Variants in HAUS2 observed in about 807,000 individuals in gnomAD.
HAUS2 encodes the protein HAUS augmin like complex subunit 2.
HAUS2 carries 20 observed loss-of-function variants against 21.6 expected under a neutral mutation model. The ratio of observed to expected loss-of-function variants is 0.93; its 90% confidence interval spans 0.65 to 1.35. HAUS2 has a LOEUF of 1.35. Ranked by LOEUF, HAUS2 falls within the 40% of genes most tolerant of loss-of-function variation. HAUS2 has a pLI of 0.00. For missense variants in HAUS2, 297 were observed against 280.7 expected (o/e 1.06, Z -0.42); for synonymous variants, 113 against 95.6 (o/e 1.18, Z -1.06).
chr15:42,566,158 C>T (rs530230480), intron 5 of HAUS2, among the ~76,000 whole-genome samples: 7 of 151,232 alleles, frequency 4.6e-5, no homozygotes, highest in South Asian at 4.2e-4. Context: ...GCTGAGATTG[C>T]GCCACTGCAC....
chr15:42,561,504 G>A, intron 4 of HAUS2, 102 bp downstream of exon 4: 1 of 745,068 alleles, frequency 1.3e-6, no homozygotes, highest in Non-Finnish European at 2.3e-6. Context: ...ATTAGTGATT[G>A]TATTTGTTAA....
In HAUS2 at chr15:42,552,542, T is replaced by A. The variant is rs1020205108; in HGVS notation, c.93+3577T>A. Among the ~76,000 whole-genome samples the A allele has an allele frequency of 2.6e-5, 4 of 152,222 alleles. 1 individual carries two copies. The highest frequency in any genetic ancestry group is 5.9e-5 in the Non-Finnish European group (4 of 68,030). ...CTAGAAAACATAGCTTGTTTGAAGT[T>A]TTGTTTCAATCTGTTAGAGAGTGAT... On this transcript the variant is annotated intron_variant, in intron 1 of 5. Transcript: ENST00000260372.
At chr15:42,565,171 G>A (rs1210363496) in intron 5 of HAUS2, among the ~76,000 whole-genome samples, 1 of 152,042 alleles carries the variant, frequency 6.6e-6, no homozygotes, top group Non-Finnish European at 1.5e-5. Context: ...AGTGAAATTC[G>A]GACATGCATC....
chr15:42,557,485 AAT>A (rs1266078675), intron 1 of HAUS2, among the ~76,000 whole-genome samples: 3 of 128,560 alleles, frequency 2.3e-5, no homozygotes, highest in African/African-American at 8.2e-5. Flanking sequence ...TATTATATAT[AAT>A]ATATACATTG....
intron 3 of HAUS2, chr15:42,560,833 T>C: frequency 1.4e-6 from 1 of 702,220 alleles, no homozygotes; most frequent in Non-Finnish European, 2.6e-6. Context: ...ATGGCCTCAA[T>C]TCTCCCGTTT....
At position 42,566,595 on chromosome 15, in the gene HAUS2, C is replaced by G. The variant is rs562398749; in HGVS notation, c.499-12C>G. ...ACATAATTTCTCCTGTTTCCCTTTT[C>G]AAATGTTACAGAACCAGGCTTTAGC... On this transcript the variant is annotated splice_polypyrimidine_tract_variant and intron_variant, in intron 5 of 5. Transcript: ENST00000260372. 2 of 1,470,178 alleles carry G rather than the reference C, an allele frequency of 1.4e-6. No homozygotes were observed. Among genetic ancestry groups the G allele is most frequent in the Admixed American group, 1.7e-5 (1 of 59,228 alleles). The allele number at this position is 1,470,178 out of a possible 1,614,324, so 91.1% of individuals were successfully genotyped here.
At position 42,566,977 on chromosome 15, in the gene HAUS2, T is replaced by C; in HGVS notation, c.*161T>C. ...AGGTTCATTAAGACCAAACTGACTTTTCCTTTGTTTTTCATATATTTTTAT... is the reference window on the plus strand; with the variant it reads ...AGGTTCATTAAGACCAAACTGACTTCTCCTTTGTTTTTCATATATTTTTAT... On this transcript the variant is annotated 3_prime_UTR_variant, in exon 6 of 6. Coordinates refer to ENST00000260372, the MANE Select transcript of HAUS2 (RefSeq NM_018097.3). 1 of 468,968 alleles carries C rather than the reference T, an allele frequency of 2.1e-6. No individual in the cohort carries two copies. The highest frequency in any genetic ancestry group is 3.8e-6 in the Non-Finnish European group (1 of 265,892). 29.1% of individuals were successfully genotyped at this position (468,968 alleles called of 1,614,324 possible). A position where few individuals can be genotyped will look rare whatever the true frequency, so the allele number is the denominator to read the frequency against.
chr15:42,564,396 G>T (rs1399997567), intron 5 of HAUS2, among the ~76,000 whole-genome samples: 1 of 151,780 alleles, frequency 6.6e-6, no homozygotes. Context: ...TAATAAACAT[G>T]TGTTGGCTTC....
Position 42,558,271 on chromosome 15 carries a change from T to C in HAUS2, c.167T>C (p.Ile56Thr), listed in dbSNP as rs1364939867. The change falls in exon 2 of 6, where the codon ATT becomes ACT. Residue 56 changes from isoleucine (I) to threonine (T), a missense_variant. Coordinates refer to ENST00000260372, the MANE Select transcript of HAUS2 (RefSeq NM_018097.3). ...ACCAGACTACAGCAGATCACAAATATTCAAGCTGAAATCTACCAGGTAAAT... is the reference window on the plus strand; with the variant it reads ...ACCAGACTACAGCAGATCACAAATACTCAAGCTGAAATCTACCAGGTAAAT... ...NFTRLQQITN[I>T]QAEIYQKNLE... is the part of the protein sequence containing the mutation. 2.1e-6 allele frequency: 3 copies of C among 1,414,602 alleles called. No homozygotes were observed. In the Admixed American group the frequency reaches 5.3e-5, roughly 25 times the overall value. The allele number at this position is 1,414,602 out of a possible 1,614,324, so 87.6% of individuals were successfully genotyped here.
intron 3 of HAUS2, among the ~76,000 whole-genome samples, chr15:42,560,198 C>G (rs898610913): frequency 6.6e-6 from 1 of 152,062 alleles, no homozygotes; most frequent in Admixed American, 6.6e-5. Context: ...TATTGGGATA[C>G]TTAGTGATGT....
Position 42,548,974 on chromosome 15 carries a change from G to A in HAUS2, c.93+9G>A. 3 of 1,520,834 alleles carry A rather than the reference G, an allele frequency of 2.0e-6. No individual in the cohort carries two copies. The highest frequency in any genetic ancestry group is 1.8e-6 in the Non-Finnish European group (2 of 1,118,162). 94.2% of individuals were successfully genotyped at this position (1,520,834 alleles called of 1,614,324 possible). A position where few individuals can be genotyped will look rare whatever the true frequency, so the allele number is the denominator to read the frequency against. ...CGGGGATGGTCAATCAGGTACGTGGGGGTGGCGGTGGTGTCATCAAGGGGG... is the reference window on the plus strand; with the variant it reads ...CGGGGATGGTCAATCAGGTACGTGGAGGTGGCGGTGGTGTCATCAAGGGGG... On this transcript the variant is annotated intron_variant, in intron 1 of 5. Transcript: ENST00000260372.
intron 1 of HAUS2, among the ~76,000 whole-genome samples, chr15:42,557,620 A>T (rs1346072561): frequency 6.6e-6 from 1 of 150,916 alleles, no homozygotes; most frequent in African/African-American, 2.4e-5. Context: ...CAATTCTGAG[A>T]TAATGTGCAT....
At chr15:42,562,499 G>T (rs1360391461) in intron 4 of HAUS2, among the ~76,000 whole-genome samples, 1 of 152,202 alleles carries the variant, frequency 6.6e-6, no homozygotes, top group African/African-American at 2.4e-5. Context: ...TGAGGCTGAG[G>T]CAGGAAAATC....
intron 5 of HAUS2, 65 bp from the exon 6 acceptor site, chr15:42,566,542 T>A (rs2057908739): frequency 4.5e-6 from 4 of 884,224 alleles, no homozygotes; most frequent in Non-Finnish European, 7.5e-6. Context: ...TGGTATCAGT[T>A]ACTGATGATA....
intron 1 of HAUS2, among the ~76,000 whole-genome samples, chr15:42,557,916 A>C (rs966498159): frequency 6.6e-6 from 1 of 152,318 alleles, no homozygotes; most frequent in South Asian, 2.1e-4. Context: ...ATAAACTATC[A>C]GTAATACAAA....
intron 1 of HAUS2, among the ~76,000 whole-genome samples, chr15:42,552,243 C>T (rs1263878985): frequency 6.6e-6 from 1 of 152,028 alleles, no homozygotes; most frequent in East Asian, 1.9e-4. Flanking sequence ...AGGCTGGTCT[C>T]GAACTCCTGA....
intron 5 of HAUS2, among the ~76,000 whole-genome samples, 176 bp from the exon 6 acceptor site, chr15:42,566,431 T>G (rs77018204): frequency 0.047 from 7,103 of 152,114 alleles, 547 homozygotes; most frequent in African/African-American, 0.16. Flanking sequence ...GACAAAAGAG[T>G]TGAACTCACA....
chr15:42,559,409 GT>G lies in HAUS2; in HGVS notation c.256+2del. The stretch of plus-strand genomic sequence containing the variant: ...GATGTTGTTCATCCTTTCTTTTTGG[GT>G]AAGTGGTTTGGTTAAGTGGATAATC... On this transcript the variant is annotated splice_donor_variant, in intron 3 of 5. Coordinates refer to ENST00000260372, the MANE Select transcript of HAUS2 (RefSeq NM_018097.3). LOFTEE classifies it high-confidence loss of function. The G allele has an allele frequency of 6.3e-7, 1 of 1,584,148 alleles. No individual in the cohort carries two copies. Among genetic ancestry groups the G allele is most frequent in the Non-Finnish European group, 8.7e-7 (1 of 1,152,814 alleles).
intron 1 of HAUS2, among the ~76,000 whole-genome samples, chr15:42,555,673 T>G (rs973895019): frequency 2.6e-5 from 4 of 152,286 alleles, no homozygotes; most frequent in Admixed American, 2.0e-4. Flanking sequence ...TCCCATCCAT[T>G]ATGAGCCTCA....
Sources: allele counts gnomAD v4.1 joint callset (sites outside exome capture counted in the v4.1 genomes callset), GRCh38; gene constraint gnomAD v4.1.1; transcripts MANE v1.5; gene names NCBI Gene and HGNC (gene_info 2026-07-23, HGNC 2026-07-21).